MAP3K13: variants seen among roughly 807,000 people sequenced by gnomAD.
The protein encoded by MAP3K13 is mitogen-activated protein kinase kinase kinase 13.
A neutral mutation model predicts 104.0 loss-of-function variants in MAP3K13; 52 were observed. That is an observed-to-expected ratio of 0.50 (90% CI 0.40 to 0.63). The LOEUF (loss-of-function observed/expected upper bound fraction) is 0.63, where lower values mean the gene tolerates loss of function less well. Ranked by LOEUF, MAP3K13 falls within the 20% of genes least tolerant of loss-of-function variation. The probability of loss-of-function intolerance (pLI) is 0.00; values close to 1 mark genes in which losing one functional copy is unlikely to be tolerated. For missense variants in MAP3K13, 914 were observed against 1,218.5 expected (o/e 0.75, Z 3.72); for synonymous variants, 394 against 442.2 (o/e 0.89, Z 1.37).
intron 7 of MAP3K13, among the ~76,000 whole-genome samples, chr3:185,455,546 T>TATATATC (rs1450389204): frequency 4.2e-5 from 2 of 47,260 alleles, no homozygotes; most frequent in Non-Finnish European, 9.9e-5. Context: ...ATATATGACA[T>TATATATC]ATATATGATA....
chr3:185,310,948 G>A (rs1486058101), intron 2 of MAP3K13, among the ~76,000 whole-genome samples: 2 of 152,182 alleles, frequency 1.3e-5, no homozygotes, highest in African/African-American at 2.4e-5. Flanking sequence ...TCACATTCCA[G>A]AACACATCCA....
chr3:185,387,776 C>T (rs925172948), intron 1 of MAP3K13, among the ~76,000 whole-genome samples: 2 of 152,030 alleles, frequency 1.3e-5, no homozygotes, highest in African/African-American at 4.8e-5. Context: ...GTCACTTTCA[C>T]CAGTCTCATT....
At position 185,450,164 on chromosome 3, in the gene MAP3K13, T is replaced by C; in HGVS notation, c.1169+106T>C. 1.9e-6 allele frequency: 2 copies of C among 1,036,628 alleles called. No individual in the cohort carries two copies. Among genetic ancestry groups the C allele is most frequent in the Non-Finnish European group, 2.7e-6 (2 of 747,670 alleles). The allele number at this position is 1,036,628 out of a possible 1,614,324, so 64.2% of individuals were successfully genotyped here. A position where few individuals can be genotyped will look rare whatever the true frequency, so the allele number is the denominator to read the frequency against. ...AGCTTTGGAGTAGGAGAATCTTGGGTTCAAATACTAGCTCTGCCCCTTTCT... is the reference window on the plus strand; with the variant it reads ...AGCTTTGGAGTAGGAGAATCTTGGGCTCAAATACTAGCTCTGCCCCTTTCT... On this transcript the variant is annotated intron_variant, in intron 6 of 13. Transcript: ENST00000265026. The surrounding 1 kb of genome is among the most constrained non-coding windows in gnomAD (Gnocchi z 4.2).
intron 2 of MAP3K13, among the ~76,000 whole-genome samples, chr3:185,429,973 G>A (rs1403554695): frequency 6.6e-6 from 1 of 152,182 alleles, no homozygotes; most frequent in African/African-American, 2.4e-5. Context: ...GCTAAGGGGA[G>A]CGGATCACCT....
intron 2 of MAP3K13, among the ~76,000 whole-genome samples, chr3:185,354,564 G>GA (rs1723270875): frequency 0.011 from 1 of 92 alleles, no homozygotes; most frequent in Non-Finnish European, 0.024. Flanking sequence ...CTCAAGTAGA[G>GA]CTCATCAAGA....
At position 185,450,426 on chromosome 3, in the gene MAP3K13, G is replaced by A. The variant is rs544587832; in HGVS notation, c.1169+368G>A. Among the ~76,000 whole-genome samples the A allele has an allele frequency of 5.9e-5, 9 of 152,134 alleles. 1 individual carries two copies. The highest frequency in any genetic ancestry group is 1.4e-4 in the African/African-American group (6 of 41,504). The stretch of plus-strand genomic sequence containing the variant: ...CTAGATTTCCATTTCATCATTAGAC[G>A]TATCTCATAATTACATTTTCCTTTT... On this transcript the variant is annotated intron_variant, in intron 6 of 13. Transcript: ENST00000265026. The surrounding 1 kb of genome is among the most constrained non-coding windows in gnomAD (Gnocchi z 4.2).
At chr3:185,373,702 T>C (rs1724270958) in intron 1 of MAP3K13, among the ~76,000 whole-genome samples, 1 of 152,078 alleles carries the variant, frequency 6.6e-6, no homozygotes, top group Non-Finnish European at 1.5e-5. Flanking sequence ...TGTGCCTAAA[T>C]AACAAGAGAA....
Position 185,455,235 on chromosome 3 carries a change from GAT to G in MAP3K13, c.1278+3849_1278+3850del, listed in dbSNP as rs1239308173. ...TGAGATATATATATGATATATATGAGATATATATATGATATATATGAGATATA... is the reference window on the plus strand; with the variant it reads ...TGAGATATATATATGATATATATGAGATATATATGATATATATGAGATATA... On this transcript the variant is annotated intron_variant, in intron 7 of 13. Coordinates refer to ENST00000265026, the MANE Select transcript of MAP3K13 (RefSeq NM_004721.5). Among the ~76,000 whole-genome samples the G allele has an allele frequency of 8.4e-4, 59 of 70,136 alleles. 1 individual carries two copies. The highest frequency in any genetic ancestry group is 2.3e-3 in the African/African-American group (49 of 21,186). The allele number at this position is 70,136 out of a possible 152,430, so 46.0% of individuals were successfully genotyped here.
chr3:185,426,085 T>TTCTTCTTCA, intron 1 of MAP3K13, among the ~76,000 whole-genome samples: 1 of 151,986 alleles, frequency 6.6e-6, no homozygotes, highest in East Asian at 1.9e-4. Flanking sequence ...CTTCTCCTTC[T>TTCTTCTTCA]TCTTCTTCTT....
At chr3:185,448,459 C>T (rs1715710320) in intron 5 of MAP3K13, among the ~76,000 whole-genome samples, 1 of 152,150 alleles carries the variant, frequency 6.6e-6, no homozygotes, top group Non-Finnish European at 1.5e-5. Context: ...ATCTCTGTAA[C>T]CTTTCCTCTG....
In MAP3K13 at chr3:185,486,188, T is replaced by C. The variant is rs1254911636; in HGVS notation, c.*3732T>C. 2 of 152,188 alleles carry C rather than the reference T, an allele frequency of 1.3e-5. No individual in the cohort carries two copies. The highest frequency in any genetic ancestry group is 2.9e-5 in the Non-Finnish European group (2 of 68,032). 9.4% of individuals were successfully genotyped at this position (152,188 alleles called of 1,614,324 possible). A position where few individuals can be genotyped will look rare whatever the true frequency, so the allele number is the denominator to read the frequency against. On this transcript the variant is annotated 3_prime_UTR_variant, in exon 14 of 14. Transcript: ENST00000265026. ...TAGAAAACCTACCCCTGATACCTCGTAATTTTGATCAGTTTTTTTTGAATT... is the reference window on the plus strand; with the variant it reads ...TAGAAAACCTACCCCTGATACCTCGCAATTTTGATCAGTTTTTTTTGAATT...
chr3:185,307,546 C>CA (rs58408265), intron 2 of MAP3K13, among the ~76,000 whole-genome samples: 1 of 103,978 alleles, frequency 9.6e-6, no homozygotes, highest in African/African-American at 4.1e-5. Flanking sequence ...GCACCACCCC[C>CA]TCCCCCGCCA....
Position 185,464,887 on chromosome 3 carries a change from G to A in MAP3K13, c.1389-860G>A, listed in dbSNP as rs572886904. On this transcript the variant is annotated intron_variant, in intron 8 of 13. Transcript: ENST00000265026. ...TTCTATGTGTCCTCACACCGAAGAAGGGCAAAAGGGCTCCCTCAAGTCTTT... is the reference window on the plus strand; with the variant it reads ...TTCTATGTGTCCTCACACCGAAGAAAGGCAAAAGGGCTCCCTCAAGTCTTT... Among the ~76,000 whole-genome samples the A allele has an allele frequency of 2.4e-4, 37 of 152,270 alleles. No homozygotes were observed. The East Asian group carries it at 6.7e-3, about 28-fold the overall frequency.
At chr3:185,405,027 T>C (rs935342672) in intron 1 of MAP3K13, among the ~76,000 whole-genome samples, 3 of 152,218 alleles carry the variant, frequency 2.0e-5, no homozygotes, top group Non-Finnish European at 2.9e-5. Flanking sequence ...AAGTTCTTAG[T>C]TGATGTTCTC....
chr3:185,442,274 C>T (rs1419418746), intron 3 of MAP3K13, among the ~76,000 whole-genome samples: 2 of 151,238 alleles, frequency 1.3e-5, no homozygotes, highest in Non-Finnish European at 2.9e-5. Context: ...GTGAGATGTG[C>T]CTCCCTCCAA....
chr3:185,295,259 G>A (rs1349547799), intron 2 of MAP3K13, among the ~76,000 whole-genome samples: 1 of 152,136 alleles, frequency 6.6e-6, no homozygotes, highest in African/African-American at 2.4e-5. Context: ...AGGCTGGAGT[G>A]CAGTGGTGCA....
At chr3:185,362,313 A>G (rs752412254), upstream of MAP3K13, among the ~76,000 whole-genome samples, 1 of 152,228 alleles carries the variant, frequency 6.6e-6, no homozygotes, top group Non-Finnish European at 1.5e-5. Flanking sequence ...AAGAAGAAAG[A>G]GATGCCTCTT....
intron 2 of MAP3K13, among the ~76,000 whole-genome samples, chr3:185,348,012 CAAA>C (rs61028328): frequency 2.2e-5 from 2 of 88,944 alleles, no homozygotes; most frequent in Non-Finnish European, 2.7e-5. Context: ...AACTCCGTCT[CAAA>C]AAAAAAAAAA....
intron 1 of MAP3K13, among the ~76,000 whole-genome samples, chr3:185,424,097 T>C (rs1327355730): frequency 6.6e-6 from 1 of 152,182 alleles, no homozygotes; most frequent in African/African-American, 2.4e-5. Flanking sequence ...TTCAACAGGA[T>C]AGGAACCATG....
Sources: gnomAD v4.1 joint callset for allele counts (sites outside exome capture counted in the v4.1 genomes callset) on GRCh38, gnomAD v4.1.1 for gene constraint, Gnocchi (gnomAD v3.1) non-coding constraint, MANE v1.5 for transcripts, NCBI Gene and HGNC (gene_info 2026-07-23, HGNC 2026-07-21) for gene names.